HERC2: variants seen among roughly 807,000 people sequenced by gnomAD.
The protein encoded by HERC2 is E3 ubiquitin-protein ligase HERC2.
In HERC2, 102 loss-of-function variants were observed where a neutral mutation model predicts 537.7. The observed-to-expected ratio is 0.19, with a 90% CI of 0.16 to 0.22. The LOEUF (loss-of-function observed/expected upper bound fraction) is 0.22. Ranked by LOEUF, HERC2 falls within the 10% of genes least tolerant of loss-of-function variation. The pLI is 1.00. For missense variants in HERC2, 4,236 were observed against 6,198.2 expected (o/e 0.68, Z 10.63); for synonymous variants, 2,224 against 2,466.2 (o/e 0.90, Z 2.91).
intron 2 of HERC2, among the ~76,000 whole-genome samples, chr15:28,310,947 C>T (rs556093391): frequency 3.9e-4 from 59 of 151,930 alleles, no homozygotes; most frequent in African/African-American, 1.3e-3. Flanking sequence ...TGAGGTGGCA[C>T]GCACCTATAG....
chr15:28,157,757 C>A (rs183789118), intron 69 of HERC2, among the ~76,000 whole-genome samples: 10 of 152,266 alleles, frequency 6.6e-5, no homozygotes, highest in African/African-American at 1.9e-4. Flanking sequence ...CTGCTCTGAT[C>A]TTAGTTATTT....
At chr15:28,137,582 T>C (rs1890781615) in intron 78 of HERC2, among the ~76,000 whole-genome samples, 1 of 152,230 alleles carries the variant, frequency 6.6e-6, no homozygotes, top group Non-Finnish European at 1.5e-5. Context: ...TGTACTTGTT[T>C]TGAGGCACCA....
rs10083607 is a variant in HERC2, at chr15:28,275,618, C to T, written c.543-613G>A. ...TCTAAAAGGTTATGCATATGGTACA[C>T]CATAAAAATCATCCTGTACAAGAGA... On this transcript the variant is annotated intron_variant, in intron 5 of 92. Transcript: ENST00000261609. Among the ~76,000 whole-genome samples, 650 of 152,200 alleles carry T rather than the reference C, an allele frequency of 4.3e-3. 1 individual carries two copies. Among genetic ancestry groups the T allele is most frequent in the African/African-American group, 0.015 (611 of 41,528 alleles).
Position 28,111,632 on chromosome 15 carries a change from C to CA in HERC2, c.*130dup, listed in dbSNP as rs747106354. ...TCCCATCACGGCCAGTCAGTCTCTC[C>CA]ACTCCCTCCTCCCGCCTGGCTCGAG... On this transcript the variant is annotated 3_prime_UTR_variant, in exon 93 of 93. Coordinates refer to ENST00000261609, the MANE Select transcript of HERC2 (RefSeq NM_004667.6). The CA allele has an allele frequency of 8.8e-5, 82 of 928,404 alleles. No individual in the cohort carries two copies. The highest frequency in any genetic ancestry group is 1.2e-4 in the Non-Finnish European group (75 of 616,478). The allele number at this position is 928,404 out of a possible 1,614,324, so 57.5% of individuals were successfully genotyped here. A position where few individuals can be genotyped will look rare whatever the true frequency, so the allele number is the denominator to read the frequency against.
chr15:28,318,672 C>G (rs3881393), intron 2 of HERC2, among the ~76,000 whole-genome samples: 2,709 of 151,504 alleles, frequency 0.018, 29 homozygotes, highest in African/African-American at 0.06. Context: ...GTAATAACCA[C>G]ATATATATGC....
intron 43 of HERC2, among the ~76,000 whole-genome samples, chr15:28,212,168 C>T (rs1418016159): frequency 6.6e-6 from 1 of 152,178 alleles, no homozygotes; most frequent in Non-Finnish European, 1.5e-5. Flanking sequence ...AAGAGGTGAA[C>T]ACAGACTTCT....
chr15:28,232,551 G>GA (rs58995112), intron 30 of HERC2, among the ~76,000 whole-genome samples: 20,189 of 114,948 alleles, frequency 0.18, 2,177 homozygotes, highest in East Asian at 0.47. Context: ...CCATCTCAAA[G>GA]AAAAAAAAAA....
chr15:28,156,949 T>C (rs1419669302), intron 69 of HERC2, among the ~76,000 whole-genome samples: 1 of 152,238 alleles, frequency 6.6e-6, no homozygotes, highest in Admixed American at 6.5e-5. Context: ...GTTGAGTTTT[T>C]AGCATGAAGG....
rs934606016 is a variant in HERC2 at position 28,122,576 on chromosome 15, G to A, written c.13189-1147C>T. Reference sequence around the variant, plus strand: ...CCCAGAGGCCCTGCCTGGACCTCAGGGCGGCTCCCCCTCCACAGGAGCACT... The same window carrying A: ...CCCAGAGGCCCTGCCTGGACCTCAGAGCGGCTCCCCCTCCACAGGAGCACT... On this transcript the variant is annotated intron_variant, in intron 85 of 92. Transcript: ENST00000261609. The surrounding 1 kb of genome is among the most constrained non-coding windows in gnomAD (Gnocchi z 4.1). 3.3e-5 allele frequency among the ~76,000 whole-genome samples: 5 copies of A among 152,114 alleles called. No individual in the cohort carries two copies. Among genetic ancestry groups the A allele is most frequent in the African/African-American group, 7.2e-5 (3 of 41,422 alleles).
chr15:28,130,234 T>G lies in HERC2; in HGVS notation c.12731A>C (p.Gln4244Pro). Residue 4244 changes from glutamine (Q) to proline (P), a missense_variant, in exon 83 of 93, where the codon CAA becomes CCA. Coordinates refer to ENST00000261609, the MANE Select transcript of HERC2 (RefSeq NM_004667.6). ...DDHVRRPRQV[Q>P]GLQGKKVIAI... ...GATGACTTTCTTCCCCTGCAACCCT[T>G]GGACCTGCCGAGGCCTTCGAACATG... The G allele has an allele frequency of 1.2e-6, 2 of 1,614,200 alleles. No homozygotes were observed. Among genetic ancestry groups the G allele is most frequent in the Non-Finnish European group, 1.7e-6 (2 of 1,180,028 alleles).
intron 15 of HERC2, 77 bp downstream of exon 15, chr15:28,262,841 A>T: frequency 7.0e-7 from 1 of 1,427,300 alleles, no homozygotes. Context: ...CAGGTTAAGA[A>T]CATAAAACCT....
At chr15:28,124,276 G>T in intron 84 of HERC2, 42 bp from the exon 85 acceptor site, 2 of 1,308,428 alleles carry the variant, frequency 1.5e-6, no homozygotes, top group Non-Finnish European at 2.0e-6. Context: ...GGCACCAAAG[G>T]CACACGGGGG....
chr15:28,308,707 A>G, intron 2 of HERC2, among the ~76,000 whole-genome samples: 2 of 152,162 alleles, frequency 1.3e-5, no homozygotes, highest in Non-Finnish European at 2.9e-5. Flanking sequence ...GGCTTTTATT[A>G]TGTTGAGGTA....
chr15:28,230,621 T>C lies in HERC2; in HGVS notation c.4676-121A>G, dbSNP rs528471191. The C allele has an allele frequency of 2.0e-4, 135 of 667,904 alleles. No homozygotes were observed. The African/African-American group carries it at 2.3e-3, about 11-fold the overall frequency. 41.4% of individuals were successfully genotyped at this position (667,904 alleles called of 1,614,324 possible). A position where few individuals can be genotyped will look rare whatever the true frequency, so the allele number is the denominator to read the frequency against. Reference sequence around the variant, plus strand: ...CATTCAAATAAACATCTGAACAACATTATAAATTGCAATGCTCAACAACAA... The same window carrying C: ...CATTCAAATAAACATCTGAACAACACTATAAATTGCAATGCTCAACAACAA... On this transcript the variant is annotated intron_variant, in intron 30 of 92. Coordinates refer to ENST00000261609, the MANE Select transcript of HERC2 (RefSeq NM_004667.6).
chr15:28,248,498 A>G, intron 21 of HERC2, 54 bp downstream of exon 21: 3 of 1,412,450 alleles, frequency 2.1e-6, no homozygotes, highest in Admixed American at 3.5e-5. Context: ...CGAAAAGCCT[A>G]AAGTAACGAG....
In HERC2 at chr15:28,130,153, C is replaced by T. The variant is rs1889958730; in HGVS notation, c.12802+10G>A. On this transcript the variant is annotated intron_variant, in intron 83 of 92. Coordinates refer to ENST00000261609, the MANE Select transcript of HERC2 (RefSeq NM_004667.6). ...AGGCCTCAGTCCTGCGGCACTGAGCCCCTACCTACCATCCTCTGTGCAGCA... is the reference window on the plus strand; with the variant it reads ...AGGCCTCAGTCCTGCGGCACTGAGCTCCTACCTACCATCCTCTGTGCAGCA... The T allele has an allele frequency of 6.2e-7, 1 of 1,614,016 alleles. No homozygotes were observed. Among genetic ancestry groups the T allele is most frequent in the Non-Finnish European group, 8.5e-7 (1 of 1,179,964 alleles).
At chr15:28,190,902 G>A (rs778340954) in intron 55 of HERC2, 63 bp downstream of exon 55, 20 of 1,100,804 alleles carry the variant, frequency 1.8e-5, no homozygotes, top group Non-Finnish European at 2.2e-5. Flanking sequence ...GTATAGAAAT[G>A]GCCAAGTCAC....
At chr15:28,253,344 C>T (rs2075144823) in intron 20 of HERC2, among the ~76,000 whole-genome samples, 1 of 152,204 alleles carries the variant, frequency 6.6e-6, no homozygotes, top group Non-Finnish European at 1.5e-5. Context: ...GTATGTACAA[C>T]TCTGTAATAT....
At chr15:28,252,509 A>G (rs1337787383) in intron 20 of HERC2, among the ~76,000 whole-genome samples, 1 of 152,194 alleles carries the variant, frequency 6.6e-6, no homozygotes, top group East Asian at 1.9e-4. Context: ...TTTAATTACA[A>G]AGGTTTTAAC....
Sources: gnomAD v4.1 joint callset for allele counts (sites outside exome capture counted in the v4.1 genomes callset) on GRCh38, gnomAD v4.1.1 for gene constraint, Gnocchi (gnomAD v3.1) non-coding constraint, MANE v1.5 for transcripts, NCBI Gene and HGNC (gene_info 2026-07-23, HGNC 2026-07-21) for gene names.